Variants in USP25 observed in about 807,000 individuals in gnomAD.
The protein encoded by USP25 is ubiquitin specific peptidase 25.
USP25 carries 85 observed loss-of-function variants against 158.5 expected under a neutral mutation model. The observed-to-expected ratio is 0.54, with a 90% CI of 0.45 to 0.64. The LOEUF (loss-of-function observed/expected upper bound fraction) is 0.64. Among genes scored for constraint, USP25 ranks in the 30% least tolerant of loss-of-function variants. The pLI is 0.00. For missense variants in USP25, 1,242 were observed against 1,327.3 expected (o/e 0.94, Z 1.00); for synonymous variants, 464 against 460.4 (o/e 1.01, Z -0.10).
chr21:15,743,955 T>G (rs1210978021), intron 1 of USP25: 1 of 155,526 alleles, frequency 6.4e-6, no homozygotes, highest in African/African-American at 2.4e-5. Flanking sequence ...GCTTCTAGGC[T>G]TCTTCCCAAG....
At chr21:15,738,836 T>C (rs1022326844) in intron 1 of USP25, among the ~76,000 whole-genome samples, 1 of 152,224 alleles carries the variant, frequency 6.6e-6, no homozygotes, top group Non-Finnish European at 1.5e-5. Flanking sequence ...TAATCAGTTA[T>C]GTTATCTATA....
chr21:15,766,270 T>A lies in USP25; in HGVS notation c.268+129T>A, dbSNP rs935178286. The A allele has an allele frequency of 1.6e-5, 12 of 739,718 alleles. No individual in the cohort carries two copies. The African/African-American group carries it at 2.0e-4, about 12-fold the overall frequency. 45.8% of individuals were successfully genotyped at this position (739,718 alleles called of 1,614,324 possible). A position where few individuals can be genotyped will look rare whatever the true frequency, so the allele number is the denominator to read the frequency against. On this transcript the variant is annotated intron_variant, in intron 3 of 25. Coordinates refer to ENST00000400183, the MANE Select transcript of USP25 (RefSeq NM_001283041.3). This position sits in a 1 kb window ranked among gnomAD's most constrained non-coding sequence, Gnocchi z 4.0. ...AGAACTCTATTAACCTTGGTTCTTT[T>A]TAATGTAGTTGAAAGGAACATACAT... is the stretch of plus-strand genomic sequence containing the variant.
chr21:15,824,351 A>G (rs1487987927), intron 11 of USP25, among the ~76,000 whole-genome samples, 185 bp downstream of exon 11: 2 of 152,218 alleles, frequency 1.3e-5, no homozygotes, highest in African/African-American at 2.4e-5. Flanking sequence ...TTTGGGAATA[A>G]TGTTATAAGG....
chr21:15,810,199 T>G (rs973517284), intron 8 of USP25, among the ~76,000 whole-genome samples: 3 of 151,936 alleles, frequency 2.0e-5, no homozygotes. Context: ...AGGGCCAGAA[T>G]TTTTTTTCAG....
At chr21:15,770,538 G>A (rs574897127) in intron 3 of USP25, among the ~76,000 whole-genome samples, 1 of 152,112 alleles carries the variant, frequency 6.6e-6, no homozygotes, top group Non-Finnish European at 1.5e-5. Flanking sequence ...CAAAACTCTG[G>A]AATGACTCCC....
intron 22 of USP25, among the ~76,000 whole-genome samples, chr21:15,869,632 CT>C (rs1028383241): frequency 1.3e-5 from 2 of 152,070 alleles, no homozygotes; most frequent in Non-Finnish European, 2.9e-5. Context: ...ATAAATCTAA[CT>C]TTTTTTAGTT....
intron 9 of USP25, 46 bp from the exon 10 acceptor site, chr21:15,818,652 G>A: frequency 2.0e-6 from 3 of 1,520,900 alleles, no homozygotes; most frequent in Non-Finnish European, 2.7e-6. Flanking sequence ...AATTTTAGTA[G>A]CCAGAAGGCC....
intron 1 of USP25, among the ~76,000 whole-genome samples, chr21:15,750,862 TCCGC>T: frequency 6.7e-6 from 1 of 149,936 alleles, no homozygotes; most frequent in African/African-American, 2.5e-5. Context: ...TGCCTCCGCC[TCCGC>T]CTCCGCCTCC....
At chr21:15,823,459 T>G (rs1027576792) in intron 10 of USP25, among the ~76,000 whole-genome samples, 27 of 152,098 alleles carry the variant, frequency 1.8e-4, no homozygotes, top group African/African-American at 6.5e-4. Context: ...TTTTAAAAGA[T>G]TTTAAGTAAA....
intron 1 of USP25, among the ~76,000 whole-genome samples, chr21:15,738,379 G>A (rs964056394): frequency 5.3e-5 from 8 of 151,926 alleles, no homozygotes; most frequent in African/African-American, 1.5e-4. Flanking sequence ...GATCCATTTG[G>A]GATTATTAAG....
chr21:15,877,924 A>G lies in USP25; in HGVS notation c.3138A>G (p.Glu1046=), dbSNP rs1290832926. 6.2e-7 allele frequency: 1 copy of G among 1,613,822 alleles called. No individual in the cohort carries two copies. Among genetic ancestry groups the G allele is most frequent in the Non-Finnish European group, 8.5e-7 (1 of 1,179,834 alleles). The change falls in exon 25 of 26, where the codon GAA becomes GAG. Residue 1046 remains glutamate, a synonymous_variant. Transcript: ENST00000400183. The part of the protein sequence containing the change: ...LPLLLVDEME[E]KDILAVEDMR... ...TATTACTGGTGGATGAAATGGAAGA[A>G]AAGGATATACTAGCTGTAGAAGATA...
chr21:15,828,311 C>T (rs1469841786), intron 14 of USP25, among the ~76,000 whole-genome samples: 2 of 152,090 alleles, frequency 1.3e-5, no homozygotes, highest in Admixed American at 6.6e-5. Context: ...CTATATTAGG[C>T]GTTGGGTAAT....
At position 15,826,499 on chromosome 21, in the gene USP25, T is replaced by TAGA; in HGVS notation, c.1466+138_1466+140dup. 1 of 1,001,362 alleles carries TAGA rather than the reference T, an allele frequency of 1.0e-6. No homozygotes were observed. Among genetic ancestry groups the TAGA allele is most frequent in the Non-Finnish European group, 1.4e-6 (1 of 689,698 alleles). 62.0% of individuals were successfully genotyped at this position (1,001,362 alleles called of 1,614,324 possible). A position where few individuals can be genotyped will look rare whatever the true frequency, so the allele number is the denominator to read the frequency against. On this transcript the variant is annotated intron_variant, in intron 13 of 25. Coordinates refer to ENST00000400183, the MANE Select transcript of USP25 (RefSeq NM_001283041.3). The surrounding 1 kb of genome is among the most constrained non-coding windows in gnomAD (Gnocchi z 4.8). ...GTGAACTCCTAAGAGTAGATTCACT[T>TAGA]AGAAGACTGTATGTCCTCTGGGAGT...
intron 5 of USP25, among the ~76,000 whole-genome samples, chr21:15,798,524 G>C (rs2035972574): frequency 6.6e-6 from 1 of 150,932 alleles, no homozygotes; most frequent in Admixed American, 6.6e-5. Flanking sequence ...TATCCCTTCT[G>C]GTTTATTACT....
At chr21:15,863,095 A>T (rs1043291384) in intron 20 of USP25, among the ~76,000 whole-genome samples, 6 of 152,066 alleles carry the variant, frequency 3.9e-5, no homozygotes, top group Non-Finnish European at 7.4e-5. Context: ...TATAAGTATA[A>T]TATAAATGAA....
intron 1 of USP25, among the ~76,000 whole-genome samples, chr21:15,737,876 T>G (rs1436160727): frequency 6.6e-6 from 1 of 152,090 alleles, no homozygotes; most frequent in Non-Finnish European, 1.5e-5. Flanking sequence ...TGTATTTTGC[T>G]TACCTGGGTT....
At chr21:15,836,455 A>C (rs1314674442) in intron 17 of USP25, among the ~76,000 whole-genome samples, 1 of 152,222 alleles carries the variant, frequency 6.6e-6, no homozygotes, top group African/African-American at 2.4e-5. Context: ...GCAAAGGCAA[A>C]CTTACCTGAA....
intron 10 of USP25, among the ~76,000 whole-genome samples, chr21:15,821,571 A>G (rs751431271): frequency 5.3e-5 from 8 of 151,948 alleles, no homozygotes; most frequent in Non-Finnish European, 7.4e-5. Context: ...TAGAGAAACA[A>G]TATCGACATG....
chr21:15,730,464 GC>G, intron 1 of USP25, 26 bp downstream of exon 1: 1 of 1,337,510 alleles, frequency 7.5e-7, no homozygotes, highest in Non-Finnish European at 9.6e-7. Flanking sequence ...CAGCCGGCGG[GC>G]CCCACTTCTC....
Sources: allele counts gnomAD v4.1 joint callset (sites outside exome capture counted in the v4.1 genomes callset), GRCh38; gene constraint gnomAD v4.1.1; non-coding constraint Gnocchi (gnomAD v3.1); transcripts MANE v1.5; gene names NCBI Gene and HGNC (gene_info 2026-07-23, HGNC 2026-07-21).